CHD5: variants seen among roughly 807,000 people sequenced by gnomAD.
The protein encoded by CHD5 is chromodomain helicase DNA binding protein 5.
CHD5 carries 69 observed loss-of-function variants against 230.3 expected under a neutral mutation model. The observed-to-expected ratio is 0.30, with a 90% CI of 0.25 to 0.37. CHD5 has a LOEUF of 0.37. Ranked by LOEUF, CHD5 falls within the 10% of genes least tolerant of loss-of-function variation. CHD5 has a pLI of 1.00. For missense variants in CHD5, 1,827 were observed against 2,622.8 expected (o/e 0.70, Z 6.63); for synonymous variants, 1,064 against 1,065.9 (o/e 1.00, Z 0.03).
intron 34 of CHD5, 66 bp from the exon 35 acceptor site, chr1:6,112,343 T>A: frequency 6.3e-7 from 1 of 1,586,458 alleles, no homozygotes; most frequent in Non-Finnish European, 8.6e-7. Flanking sequence ...GGCCTCTCTC[T>A]GCCAAGCACG....
Position 6,146,525 on chromosome 1 carries a change from C to A in CHD5, c.1591-102G>T. On this transcript the variant is annotated intron_variant, in intron 10 of 41. Coordinates refer to ENST00000262450, the MANE Select transcript of CHD5 (RefSeq NM_015557.3). This position sits in a 1 kb window ranked among gnomAD's most constrained non-coding sequence, Gnocchi z 5.1. The stretch of plus-strand genomic sequence containing the variant: ...GCCCCAGCCCAGGTCCCAGGCAGGA[C>A]AATCCTCCCGCTCAGCACCACCCCA... 7.1e-7 allele frequency: 1 copy of A among 1,409,452 alleles called. No individual in the cohort carries two copies. The highest frequency in any genetic ancestry group is 9.9e-7 in the Non-Finnish European group (1 of 1,006,726). 87.3% of individuals were successfully genotyped at this position (1,409,452 alleles called of 1,614,324 possible).
intron 25 of CHD5, 134 bp downstream of exon 25, chr1:6,127,912 G>A: frequency 8.0e-6 from 6 of 748,302 alleles, no homozygotes; most frequent in Non-Finnish European, 1.3e-5. Flanking sequence ...GCTGCGGCTG[G>A]AGGGCGGGGT....
rs140017148 is a variant in CHD5, at chr1:6,169,507, G to A, written c.80-1230C>T. ...TGCCACATGTCCTGGGGGGTGTGAC[G>A]TGAGACCCCTGCTGGGACGGCAGTA... On this transcript the variant is annotated intron_variant, in intron 1 of 41. Coordinates refer to ENST00000262450, the MANE Select transcript of CHD5 (RefSeq NM_015557.3). 3.7e-3 allele frequency among the ~76,000 whole-genome samples: 566 copies of A among 152,356 alleles called. 3 individuals are homozygous for A. The highest frequency in any genetic ancestry group is 0.013 in the African/African-American group (533 of 41,588).
intron 38 of CHD5, among the ~76,000 whole-genome samples, chr1:6,107,116 G>A (rs866478240): frequency 1.2e-4 from 18 of 145,756 alleles, no homozygotes; most frequent in Admixed American, 3.4e-4. Context: ...GTGGAAGGAC[G>A]GAGGGATGGA....
chr1:6,126,595 T>C lies in CHD5; in HGVS notation c.4055A>G (p.Asn1352Ser). The change falls in exon 26 of 42, where the codon AAC becomes AGC. Residue 1352 changes from asparagine to serine, a missense_variant. By Grantham distance (46) the Asn-to-Ser change is conservative (BLOSUM62 1). Coordinates refer to ENST00000262450, the MANE Select transcript of CHD5 (RefSeq NM_015557.3). The surrounding 1 kb of genome is among the most constrained non-coding windows in gnomAD (Gnocchi z 5.7). ...GKRIRKQVNYNDASQEDQEWQ... is the reference protein window; with the variant it reads ...GKRIRKQVNYSDASQEDQEWQ... ...ACCCTGGTCCTCCTGGGAGGCATCGTTGTAGTTGACCTGCTTGCGGATGCG... is the reference window on the plus strand; with the variant it reads ...ACCCTGGTCCTCCTGGGAGGCATCGCTGTAGTTGACCTGCTTGCGGATGCG... 6.2e-7 allele frequency: 1 copy of C among 1,613,428 alleles called. No homozygotes were observed. The highest frequency in any genetic ancestry group is 8.5e-7 in the Non-Finnish European group (1 of 1,180,006).
chr1:6,177,701 T>C (rs1667446846), intron 1 of CHD5, among the ~76,000 whole-genome samples: 2 of 152,114 alleles, frequency 1.3e-5, no homozygotes, highest in African/African-American at 4.8e-5. Flanking sequence ...CTCCCCATCA[T>C]AACATTCGAG....
chr1:6,113,755 A>G (rs1666330888), intron 33 of CHD5, among the ~76,000 whole-genome samples: 1 of 152,174 alleles, frequency 6.6e-6, no homozygotes. Flanking sequence ...CAAGGAAAAG[A>G]AGGTCTCCAG....
At chr1:6,115,217 T>C (rs1403207763) in intron 33 of CHD5, among the ~76,000 whole-genome samples, 1 of 151,416 alleles carries the variant, frequency 6.6e-6, no homozygotes, top group African/African-American at 2.4e-5. Flanking sequence ...TCCCAGCTAC[T>C]TGGGAGGCTG....
Position 6,142,393 on chromosome 1 carries a change from C to T in CHD5, c.2235+21G>A. 1.3e-6 allele frequency: 2 copies of T among 1,595,750 alleles called. No individual in the cohort carries two copies. The highest frequency in any genetic ancestry group is 1.7e-6 in the Non-Finnish European group (2 of 1,167,138). ...GGCCAGGACCAGCCACCCCTCCTGGCCGCCTGCCCCGCCTGCCCACCTCCT... is the reference window on the plus strand; with the variant it reads ...GGCCAGGACCAGCCACCCCTCCTGGTCGCCTGCCCCGCCTGCCCACCTCCT... On this transcript the variant is annotated intron_variant, in intron 14 of 41. Coordinates refer to ENST00000262450, the MANE Select transcript of CHD5 (RefSeq NM_015557.3). The surrounding 1 kb of genome is among the most constrained non-coding windows in gnomAD (Gnocchi z 5.2).
intron 17 of CHD5, among the ~76,000 whole-genome samples, chr1:6,136,244 G>A (rs760288305): frequency 2.8e-4 from 43 of 152,302 alleles, no homozygotes; most frequent in Middle Eastern, 3.4e-3. Flanking sequence ...AGGCAGTCCA[G>A]GAGGAACCCC....
intron 1 of CHD5, among the ~76,000 whole-genome samples, chr1:6,174,505 G>T (rs1196819050): frequency 1.4e-5 from 2 of 142,822 alleles, no homozygotes; most frequent in African/African-American, 6.0e-5. Context: ...TAGATGGATG[G>T]ATGGTGGGTG....
intron 15 of CHD5, among the ~76,000 whole-genome samples, chr1:6,139,252 T>G (rs1331047275): frequency 6.6e-6 from 1 of 151,520 alleles, no homozygotes; most frequent in East Asian, 1.9e-4. Context: ...TGTTGTTGTT[T>G]TGGTTTTTCT....
rs1472636498 is a variant in CHD5 at position 6,130,415 on chromosome 1, G to C, written c.3263-87C>G. On this transcript the variant is annotated intron_variant, in intron 21 of 41. Coordinates refer to ENST00000262450, the MANE Select transcript of CHD5 (RefSeq NM_015557.3). The surrounding 1 kb of genome is among the most constrained non-coding windows in gnomAD (Gnocchi z 4.9). Reference sequence around the variant, plus strand: ...GGATGGGGGAGAGAACAGAGAGAAGGAACTGCAGCAACAGATCCCTGGCAG... The same window carrying C: ...GGATGGGGGAGAGAACAGAGAGAAGCAACTGCAGCAACAGATCCCTGGCAG... 1.6e-6 allele frequency: 2 copies of C among 1,227,928 alleles called. No homozygotes were observed. The highest frequency in any genetic ancestry group is 1.5e-5 in the African/African-American group (1 of 67,164). 76.1% of individuals were successfully genotyped at this position (1,227,928 alleles called of 1,614,324 possible). A position where few individuals can be genotyped will look rare whatever the true frequency, so the allele number is the denominator to read the frequency against.
At chr1:6,141,059 A>AGAT (rs1364851560) in intron 15 of CHD5, among the ~76,000 whole-genome samples, 1 of 151,260 alleles carries the variant, frequency 6.6e-6, no homozygotes, top group African/African-American at 2.4e-5. Flanking sequence ...CAAGGCAGGC[A>AGAT]GATCGCCTGA....
At position 6,117,084 on chromosome 1, in the gene CHD5, T is replaced by C. The variant is rs545343696; in HGVS notation, c.4912+4021A>G. Among the ~76,000 whole-genome samples, 3 of 151,698 alleles carry C rather than the reference T, an allele frequency of 2.0e-5. No individual in the cohort carries two copies. In the South Asian group the frequency reaches 6.2e-4, roughly 32 times the overall value. Reference sequence around the variant, plus strand: ...TGAAATTGACTATAAACCTTCCAAATGAGTTGAGGGGGAAAAGAGGAGATA... The same window carrying C: ...TGAAATTGACTATAAACCTTCCAAACGAGTTGAGGGGGAAAAGAGGAGATA... On this transcript the variant is annotated intron_variant, in intron 33 of 41. Transcript: ENST00000262450.
At chr1:6,124,710 G>A in intron 29 of CHD5, 49 bp from the exon 30 acceptor site, 1 of 1,194,818 alleles carries the variant, frequency 8.4e-7, no homozygotes, top group East Asian at 2.6e-5. Flanking sequence ...GGGCCGGCAA[G>A]AACCCTCTGA....
chr1:6,166,563 G>C (rs1355861932), intron 2 of CHD5, among the ~76,000 whole-genome samples: 1 of 152,060 alleles, frequency 6.6e-6, no homozygotes, highest in African/African-American at 2.4e-5. Flanking sequence ...AGCAGTCCCT[G>C]AACTCCGTGG....
rs1666143082 is a variant in CHD5 at position 6,105,234 on chromosome 1, G to A, written c.*240C>T. On this transcript the variant is annotated 3_prime_UTR_variant, in exon 42 of 42. Transcript: ENST00000262450. This position sits in a 1 kb window ranked among gnomAD's most constrained non-coding sequence, Gnocchi z 4.8. ...GGGCACGTCCGGCGTGGTTGTGGGG[G>A]CAACGCTGTGTGGAAGAACACTTGA... The A allele has an allele frequency of 1.7e-5, 6 of 359,200 alleles. No individual in the cohort carries two copies. The highest frequency in any genetic ancestry group is 8.6e-5 in the South Asian group (4 of 46,674). 22.3% of individuals were successfully genotyped at this position (359,200 alleles called of 1,614,324 possible).
chr1:6,153,217 C>T lies in CHD5; in HGVS notation c.746-681G>A, dbSNP rs148417085. Among the ~76,000 whole-genome samples the T allele has an allele frequency of 1.1e-3, 160 of 152,334 alleles. 1 individual carries two copies. The highest frequency in any genetic ancestry group is 6.8e-3 in the Middle Eastern group (2 of 294). On this transcript the variant is annotated intron_variant, in intron 5 of 41. Coordinates refer to ENST00000262450, the MANE Select transcript of CHD5 (RefSeq NM_015557.3). ...AGGAGCCCAGCTGCACCCTCCATGGCGCCGCGGAAAATCTATTTCAATTTT... is the reference window on the plus strand; with the variant it reads ...AGGAGCCCAGCTGCACCCTCCATGGTGCCGCGGAAAATCTATTTCAATTTT...
Sources: gnomAD v4.1 joint callset for allele counts (sites outside exome capture counted in the v4.1 genomes callset) on GRCh38, gnomAD v4.1.1 for gene constraint, Gnocchi (gnomAD v3.1) non-coding constraint, MANE v1.5 for transcripts, NCBI Gene and HGNC (gene_info 2026-07-23, HGNC 2026-07-21) for gene names.